PCYOX1L: variants seen among roughly 807,000 people sequenced by gnomAD.
PCYOX1L encodes the protein prenylcysteine oxidase 1 like.
In PCYOX1L, 40 loss-of-function variants were observed where a neutral mutation model predicts 44.1. The observed-to-expected ratio is 0.91, with a 90% CI of 0.70 to 1.18. PCYOX1L has a LOEUF of 1.18. Ranked by LOEUF, PCYOX1L falls within the 50% of genes most tolerant of loss-of-function variation. The probability of loss-of-function intolerance (pLI) is 0.00; values close to 1 mark genes in which losing one functional copy is unlikely to be tolerated. For missense variants in PCYOX1L, 605 were observed against 653.3 expected, an observed-to-expected ratio of 0.93 and a Z score of 0.81; for synonymous variants, 266 against 282.8, an observed-to-expected ratio of 0.94 and a Z score of 0.60.
intron 1 of PCYOX1L, 114 bp from the exon 2 acceptor site, chr5:149,362,523 A>G (rs1464380807): frequency 1.0e-5 from 11 of 1,056,364 alleles, no homozygotes; most frequent in Non-Finnish European, 1.5e-5. Flanking sequence ...TTATAAGCCT[A>G]GGAAATTTAA....
Position 149,362,705 on chromosome 5 carries a change from G to T in PCYOX1L, c.157G>T (p.Val53Leu), listed in dbSNP as rs1758050476. The change falls in exon 2 of 6, where the codon GTG becomes TTG. Residue 53 changes from valine (V) to leucine (L), a missense_variant. By Grantham distance (32) the Val-to-Leu change is conservative. Transcript: ENST00000274569. The stretch of plus-strand genomic sequence containing the variant: ...TCTCCAGCAGCACTTTGGACCTCGG[G>T]TGCAGATCGACGTGTACGAGAAGGG... ...HFLQQHFGPR[V>L]QIDVYEKGTV... 6.2e-7 allele frequency: 1 copy of T among 1,614,184 alleles called. No individual in the cohort carries two copies. Among genetic ancestry groups the T allele is most frequent in the Non-Finnish European group, 8.5e-7 (1 of 1,180,048 alleles).
rs1345443854 is a variant in PCYOX1L, at chr5:149,362,759, T to C, written c.211T>C (p.Ser71Pro). Residue 71 changes from serine (S) to proline (P), a missense_variant, in exon 2 of 6, where the codon TCA becomes CCA. Coordinates refer to ENST00000274569, the MANE Select transcript of PCYOX1L (RefSeq NM_024028.4). ...CGTGGGTGGCCGCTTGGCCACCATC[T>C]CAGTCAACAAGCAGCACTATGAGAG... ...GTVGGRLATI[S>P]VNKQHYESGA... 4 of 1,614,198 alleles carry C rather than the reference T, an allele frequency of 2.5e-6. No homozygotes were observed. The highest frequency in any genetic ancestry group is 3.4e-6 in the Non-Finnish European group (4 of 1,180,044).
intron 5 of PCYOX1L, 96 bp downstream of exon 5, chr5:149,367,596 C>G: frequency 6.7e-7 from 1 of 1,503,522 alleles, no homozygotes; most frequent in South Asian, 1.3e-5. Flanking sequence ...TCTGTGATCC[C>G]CCTGGGGAGT....
chr5:149,367,305 C>T (rs1270424508), intron 4 of PCYOX1L, 55 bp from the exon 5 acceptor site: 1 of 1,566,148 alleles, frequency 6.4e-7, no homozygotes, highest in Non-Finnish European at 8.6e-7. Context: ...ACTCCCCAGC[C>T]CTCCTGCCCC....
chr5:149,367,939 G>A, intron 5 of PCYOX1L, 54 bp from the exon 6 acceptor site: 2 of 1,510,092 alleles, frequency 1.3e-6, no homozygotes, highest in South Asian at 1.3e-5. Flanking sequence ...CCAGTAGGGA[G>A]TTCAGTGGGT....
chr5:149,359,639 G>A (rs1427960749), intron 1 of PCYOX1L, among the ~76,000 whole-genome samples: 1 of 152,182 alleles, frequency 6.6e-6, no homozygotes, highest in African/African-American at 2.4e-5. Flanking sequence ...ATTGGGGAAG[G>A]AGCAGGACCT....
intron 3 of PCYOX1L, chr5:149,364,976 G>A (rs923314473): frequency 6.6e-6 from 1 of 152,612 alleles, no homozygotes; most frequent in Middle Eastern, 3.1e-3. Context: ...AAGGCGCAGG[G>A]GCTGCTCCCC....
chr5:149,362,578 C>A, intron 1 of PCYOX1L, 59 bp from the exon 2 acceptor site: 1 of 1,566,526 alleles, frequency 6.4e-7, no homozygotes, highest in Non-Finnish European at 8.8e-7. Flanking sequence ...GTGTGAACTA[C>A]AGCCTCTCAC....
intron 3 of PCYOX1L, chr5:149,365,576 G>GTATCATTAAAAA: frequency 7.4e-6 from 2 of 271,132 alleles, no homozygotes; most frequent in South Asian, 4.7e-5. Flanking sequence ...TGGCAGAACC[G>GTATCATTAAAAA]ACACTGTTGG....
intron 1 of PCYOX1L, 133 bp from the exon 2 acceptor site, chr5:149,362,504 T>C: frequency 1.1e-6 from 1 of 892,030 alleles, no homozygotes; most frequent in Non-Finnish European, 1.7e-6. Flanking sequence ...AGATTTCCTT[T>C]TGGAAATGTT....
Position 149,362,650 on chromosome 5 carries a change from T to C in PCYOX1L, c.102T>C (p.Ala34=). Residue 34 remains alanine (A), a synonymous_variant, in exon 2 of 6, where the codon GCT becomes GCC. Transcript: ENST00000274569. Reference sequence around the variant, plus strand: ...GCCTGCTGACAGCGGTGGTTGGGGCTGGGATTGGGGGCTCTGCTGTGGCCC... The same window carrying C: ...GCCTGCTGACAGCGGTGGTTGGGGCCGGGATTGGGGGCTCTGCTGTGGCCC... ...APPGKIAVVG[A]GIGGSAVAHF... 1 of 1,614,152 alleles carries C rather than the reference T, an allele frequency of 6.2e-7. No individual in the cohort carries two copies. Among genetic ancestry groups the C allele is most frequent in the African/African-American group, 1.3e-5 (1 of 75,070 alleles).
At chr5:149,362,587 A>G in intron 1 of PCYOX1L, 50 bp from the exon 2 acceptor site, 1 of 1,592,364 alleles carries the variant, frequency 6.3e-7, no homozygotes, top group Non-Finnish European at 8.6e-7. Flanking sequence ...ACAGCCTCTC[A>G]CTCTCATGTT....
At position 149,368,443 on chromosome 5, in the gene PCYOX1L, A is replaced by G. The variant is rs1758309636; in HGVS notation, c.1274A>G (p.His425Arg). The change falls in exon 6 of 6, where the codon CAT (histidine) becomes CGT (arginine). Residue 425 changes from histidine to arginine, a missense_variant. By Grantham distance (29) the His-to-Arg change is conservative. Coordinates refer to ENST00000274569, the MANE Select transcript of PCYOX1L (RefSeq NM_024028.4). The stretch of plus-strand genomic sequence containing the variant: ...GTGCAGACAGCTGAGTGGCAGGCCC[A>G]TCCCCTCTATGGCTCCCGCCCCACG... ...YSVQTAEWQA[H>R]PLYGSRPTLP... is the part of the protein sequence containing the mutation. 1 of 1,613,920 alleles carries G rather than the reference A, an allele frequency of 6.2e-7. No individual in the cohort carries two copies. Among genetic ancestry groups the G allele is most frequent in the Non-Finnish European group, 8.5e-7 (1 of 1,179,950 alleles).
At chr5:149,366,336 C>T (rs1414466179) in intron 4 of PCYOX1L, among the ~76,000 whole-genome samples, 183 bp downstream of exon 4, 1 of 152,250 alleles carries the variant, frequency 6.6e-6, no homozygotes, top group Non-Finnish European at 1.5e-5. Flanking sequence ...AGTATCACCC[C>T]ACTTCACAGA....
Position 149,368,202 on chromosome 5 carries a change from T to A in PCYOX1L, c.1033T>A (p.Tyr345Asn), listed in dbSNP as rs747783387. ...SLVHGYLNSS[Y>N]FGFPDPKLFP... The stretch of plus-strand genomic sequence containing the variant: ...GGTCCACGGCTACCTCAACTCGTCC[T>A]ACTTCGGTTTCCCAGACCCTAAGCT... The change falls in exon 6 of 6, where the codon TAC becomes AAC. Residue 345 changes from tyrosine to asparagine, a missense_variant. Tyr to Asn is a moderately radical substitution (Grantham distance 143). Coordinates refer to ENST00000274569, the MANE Select transcript of PCYOX1L (RefSeq NM_024028.4). 3 of 1,614,154 alleles carry A rather than the reference T, an allele frequency of 1.9e-6. No individual in the cohort carries two copies. The highest frequency in any genetic ancestry group is 1.7e-6 in the Non-Finnish European group (2 of 1,180,022).
chr5:149,368,780 C>A lies in PCYOX1L; in HGVS notation c.*126C>A. 1.1e-6 allele frequency: 1 copy of A among 943,964 alleles called. No individual in the cohort carries two copies. Among genetic ancestry groups the A allele is most frequent in the Non-Finnish European group, 1.5e-6 (1 of 687,878 alleles). 58.5% of individuals were successfully genotyped at this position (943,964 alleles called of 1,614,324 possible). On this transcript the variant is annotated 3_prime_UTR_variant, in exon 6 of 6. Coordinates refer to ENST00000274569, the MANE Select transcript of PCYOX1L (RefSeq NM_024028.4). ...TTCTGACCCCTCATGTATCAAGCAT[C>A]TCCAGGTGACCTACTGTCTGCCTAT...
Position 149,368,709 on chromosome 5 carries a change from A to G in PCYOX1L, c.*55A>G, listed in dbSNP as rs1233961120. 4 of 1,474,968 alleles carry G rather than the reference A, an allele frequency of 2.7e-6. No homozygotes were observed. The highest frequency in any genetic ancestry group is 1.4e-5 in the African/African-American group (1 of 71,040). The allele number at this position is 1,474,968 out of a possible 1,614,324, so 91.4% of individuals were successfully genotyped here. A position where few individuals can be genotyped will look rare whatever the true frequency, so the allele number is the denominator to read the frequency against. On this transcript the variant is annotated 3_prime_UTR_variant, in exon 6 of 6. Coordinates refer to ENST00000274569, the MANE Select transcript of PCYOX1L (RefSeq NM_024028.4). ...TCCCCCACTGAAGATGGATCATCCCACAGCAGCCCAGGACTGAATAAGCCA... is the reference window on the plus strand; with the variant it reads ...TCCCCCACTGAAGATGGATCATCCCGCAGCAGCCCAGGACTGAATAAGCCA...
intron 3 of PCYOX1L, 95 bp downstream of exon 3, chr5:149,364,305 G>A (rs1013058950): frequency 2.1e-5 from 31 of 1,460,460 alleles, no homozygotes; most frequent in Non-Finnish European, 2.8e-5. Flanking sequence ...AAAAGGAAAA[G>A]GTCCTTGCTG....
chr5:149,367,177 T>C (rs1758240045), intron 4 of PCYOX1L, among the ~76,000 whole-genome samples, 183 bp from the exon 5 acceptor site: 1 of 152,238 alleles, frequency 6.6e-6, no homozygotes, highest in South Asian at 2.1e-4. Flanking sequence ...TTGAGCACAG[T>C]GTCTTCCCCC....
Sources: gnomAD v4.1 joint callset for allele counts (sites outside exome capture counted in the v4.1 genomes callset) on GRCh38, gnomAD v4.1.1 for gene constraint, MANE v1.5 for transcripts, NCBI Gene and HGNC (gene_info 2026-07-23, HGNC 2026-07-21) for gene names.